NBEA: variants seen among roughly 807,000 people sequenced by gnomAD.
The protein encoded by NBEA is lysosomal-trafficking regulator 2.
NBEA carries 44 observed loss-of-function variants against 343.4 expected under a neutral mutation model. The ratio of observed to expected loss-of-function variants is 0.13; its 90% CI spans 0.10 to 0.16. The LOEUF (loss-of-function observed/expected upper bound fraction) is 0.16. Ranked by LOEUF, NBEA falls within the 10% of genes least tolerant of loss-of-function variation. The probability of loss-of-function intolerance (pLI) is 1.00; values close to 1 mark genes in which losing one functional copy is unlikely to be tolerated. For missense variants in NBEA, 2,555 were observed against 3,631.3 expected (o/e 0.70, Z 7.62); for synonymous variants, 1,175 against 1,238.7 (o/e 0.95, Z 1.08).
chr13:35,171,549 T>G lies in NBEA; in HGVS notation c.4423+97T>G, dbSNP rs1016602175. ...ATAAAATATTAATGATATAAGTTGA[T>G]GATTATATAATATGGAGATTATCTT... On this transcript the variant is annotated intron_variant, in intron 26 of 58. Coordinates refer to ENST00000379939, the MANE Select transcript of NBEA (RefSeq NM_001385012.1). 6.3e-6 allele frequency: 6 copies of G among 946,366 alleles called. No individual in the cohort carries two copies. In the African/African-American group the frequency reaches 9.9e-5, roughly 16 times the overall value. The allele number at this position is 946,366 out of a possible 1,614,324, so 58.6% of individuals were successfully genotyped here.
intron 16 of NBEA, among the ~76,000 whole-genome samples, chr13:35,121,352 C>T (rs147633401): frequency 3.9e-4 from 59 of 152,170 alleles, no homozygotes; most frequent in African/African-American, 1.4e-3. Context: ...GGCAGTCTGC[C>T]CACCTTGACC....
chr13:34,962,948 G>T (rs2059705791), intron 1 of NBEA, among the ~76,000 whole-genome samples: 1 of 152,048 alleles, frequency 6.6e-6, no homozygotes, highest in Non-Finnish European at 1.5e-5. Context: ...GAATGCTGGT[G>T]CTTGATAAGA....
intron 49 of NBEA, among the ~76,000 whole-genome samples, chr13:35,629,626 G>A (rs185428169): frequency 6.6e-6 from 1 of 152,264 alleles, no homozygotes; most frequent in Admixed American, 6.5e-5. Context: ...GAATGAGAGA[G>A]AAGGCAGGTG....
chr13:35,547,115 G>C lies in NBEA; in HGVS notation c.6586-3362G>C, dbSNP rs537880163. Among the ~76,000 whole-genome samples the C allele has an allele frequency of 3.3e-5, 5 of 152,298 alleles. No homozygotes were observed. In the East Asian group the frequency reaches 9.7e-4, roughly 29 times the overall value. On this transcript the variant is annotated intron_variant, in intron 41 of 58. Transcript: ENST00000379939. ...ATGCTTAAATATAACATGGGTTATTGTAAAGTAATTAGGTAGGTTTTTTGA... is the reference window on the plus strand; with the variant it reads ...ATGCTTAAATATAACATGGGTTATTCTAAAGTAATTAGGTAGGTTTTTTGA...
At chr13:35,587,523 T>C (rs1384077432) in intron 46 of NBEA, among the ~76,000 whole-genome samples, 1 of 152,092 alleles carries the variant, frequency 6.6e-6, no homozygotes, top group East Asian at 1.9e-4. Flanking sequence ...AGGAAAAAGG[T>C]CAGGAGTCCT....
chr13:35,340,907 T>TA (rs76053006), intron 36 of NBEA, among the ~76,000 whole-genome samples: 4 of 151,660 alleles, frequency 2.6e-5, no homozygotes, highest in African/African-American at 9.7e-5. Context: ...GATTCTAAAA[T>TA]ATGGAATTGC....
At position 35,159,058 on chromosome 13, in the gene NBEA, G is replaced by A. The variant is rs753232026; in HGVS notation, c.2887G>A (p.Glu963Lys). Residue 963 changes from glutamate to lysine, a missense_variant, in exon 22 of 59, where the codon GAG (glutamate) becomes AAG (lysine). Physicochemically the swap from Glu to Lys is moderately conservative, Grantham distance 56 (BLOSUM62 1). Around this residue, in one of 21 missense-constraint regions of NBEA, gnomAD observed 18 missense variants for 21.7 expected, o/e 0.83. Transcript: ENST00000379939. Reference sequence around the variant, plus strand: ...TAAGGAATACCTAGCCAAAATGTATGAGGAATATCAAAGACAAGAGGAGGA... The same window carrying A: ...TAAGGAATACCTAGCCAAAATGTATAAGGAATATCAAAGACAAGAGGAGGA... ...AHKEYLAKMY[E>K]EYQRQEEENI... 3.1e-6 allele frequency: 5 copies of A among 1,612,008 alleles called. No individual in the cohort carries two copies. Among genetic ancestry groups the A allele is most frequent in the South Asian group, 2.2e-5 (2 of 90,794 alleles).
At chr13:35,480,166 C>T (rs1242746085) in intron 41 of NBEA, among the ~76,000 whole-genome samples, 1 of 151,638 alleles carries the variant, frequency 6.6e-6, no homozygotes, top group Non-Finnish European at 1.5e-5. Flanking sequence ...CACTTCGAAG[C>T]GTTCGAAATA....
intron 48 of NBEA, among the ~76,000 whole-genome samples, chr13:35,613,117 A>G (rs1020782325): frequency 1.3e-5 from 2 of 149,846 alleles, no homozygotes; most frequent in African/African-American, 2.4e-5. Flanking sequence ...AATTAACTAC[A>G]GTCACTTTGC....
intron 37 of NBEA, among the ~76,000 whole-genome samples, chr13:35,351,654 A>G (rs2040207335): frequency 6.6e-6 from 1 of 151,968 alleles, no homozygotes; most frequent in South Asian, 2.1e-4. Flanking sequence ...ATTAAAATAT[A>G]TGGAGTTTGC....
chr13:35,568,672 G>T (rs866166910), intron 45 of NBEA, among the ~76,000 whole-genome samples: 61 of 152,210 alleles, frequency 4.0e-4, no homozygotes, highest in African/African-American at 1.4e-3. Flanking sequence ...GAGTGTTTTG[G>T]ATTTTGGATC....
chr13:35,031,605 C>G (rs961602343), intron 1 of NBEA, among the ~76,000 whole-genome samples: 1 of 151,350 alleles, frequency 6.6e-6, no homozygotes, highest in Non-Finnish European at 1.5e-5. Context: ...GTACTTAACT[C>G]AATTATCTCA....
intron 34 of NBEA, among the ~76,000 whole-genome samples, chr13:35,287,514 T>C (rs2035508103): frequency 6.6e-6 from 1 of 152,008 alleles, no homozygotes; most frequent in Non-Finnish European, 1.5e-5. Flanking sequence ...TTAAACACTC[T>C]TATAGTCTAT....
At chr13:35,383,438 A>G (rs868210638) in intron 38 of NBEA, among the ~76,000 whole-genome samples, 3 of 152,142 alleles carry the variant, frequency 2.0e-5, no homozygotes, top group African/African-American at 7.2e-5. Flanking sequence ...TAATTCAGAG[A>G]GCTATAGGGT....
intron 38 of NBEA, among the ~76,000 whole-genome samples, chr13:35,419,595 T>A (rs990724198): frequency 6.6e-5 from 10 of 152,094 alleles, no homozygotes; most frequent in Admixed American, 3.9e-4. Flanking sequence ...AATACGTATG[T>A]ACATATACCA....
chr13:35,429,986 G>A (rs1352278685), intron 38 of NBEA, among the ~76,000 whole-genome samples: 1 of 152,138 alleles, frequency 6.6e-6, no homozygotes, highest in African/African-American at 2.4e-5. Flanking sequence ...CCCAGGAGTG[G>A]CATTGCTGGA....
At chr13:35,460,458 A>ATTTAAAT (rs1407481301) in intron 40 of NBEA, among the ~76,000 whole-genome samples, 2 of 152,218 alleles carry the variant, frequency 1.3e-5, no homozygotes, top group Admixed American at 1.3e-4. Flanking sequence ...AAGCTAAAGT[A>ATTTAAAT]TTTAAATTTC....
chr13:35,164,386 C>T lies in NBEA; in HGVS notation c.4110C>T (p.Val1370=). Residue 1370 remains valine (V), a synonymous_variant, in exon 24 of 59, where the codon GTC becomes GTT. Coordinates refer to ENST00000379939, the MANE Select transcript of NBEA (RefSeq NM_001385012.1). Reference sequence around the variant, plus strand: ...CTACAAAGTCTGTAATGGATTTTGTCAATAGCAATGAAAATATTATTTTTG... The same window carrying T: ...CTACAAAGTCTGTAATGGATTTTGTTAATAGCAATGAAAATATTATTTTTG... The part of the protein sequence containing the change: ...SHSTKSVMDF[V]NSNENIIFVH... 6.3e-7 allele frequency: 1 copy of T among 1,586,610 alleles called. No individual in the cohort carries two copies. Among genetic ancestry groups the T allele is most frequent in the Non-Finnish European group, 8.6e-7 (1 of 1,164,220 alleles).
intron 41 of NBEA, among the ~76,000 whole-genome samples, chr13:35,534,158 A>G (rs1315436084): frequency 6.6e-6 from 1 of 152,024 alleles, no homozygotes; most frequent in Non-Finnish European, 1.5e-5. Flanking sequence ...TCTTTTTCAT[A>G]ATACTCGTAA....
Sources: gnomAD v4.1 joint callset for allele counts (sites outside exome capture counted in the v4.1 genomes callset) on GRCh38, gnomAD v4.1.1 for gene constraint, gnomAD v4.1.1 regional missense constraint, MANE v1.5 for transcripts, NCBI Gene and HGNC (gene_info 2026-07-23, HGNC 2026-07-21) for gene names.